The following OCRL variants were observed in gnomAD, a reference collection of about 807,000 sequenced individuals.
OCRL encodes inositol polyphosphate 5-phosphatase OCRL.
OCRL carries 8 observed loss-of-function variants against 78.9 expected under a neutral mutation model. That is an observed-to-expected ratio of 0.10 (90% CI 0.06 to 0.18). The LOEUF (loss-of-function observed/expected upper bound fraction) is 0.18, where lower values mean the gene tolerates loss of function less well. OCRL is among the 10% of genes least tolerant of loss of function. The probability of loss-of-function intolerance (pLI) is 1.00; values close to 1 mark genes in which losing one functional copy is unlikely to be tolerated. For synonymous variants in OCRL, 240 were observed against 235.4 expected (o/e 1.02, Z -0.18); for missense variants, 454 against 696.7 (o/e 0.65, Z 3.92).
intron 18 of OCRL, among the ~76,000 whole-genome samples, chrX:129,582,796 C>T (rs1487348888): frequency 9.2e-6 from 1 of 108,494 alleles, no homozygotes; most frequent in Non-Finnish European, 1.9e-5. Context: ...ACGCCTAATC[C>T]CCATGGATAA....
At chrX:129,582,879 C>T (rs915059034) in intron 18 of OCRL, among the ~76,000 whole-genome samples, 8 of 111,770 alleles carry the variant, frequency 7.2e-5, no homozygotes, top group Admixed American at 2.9e-4. Flanking sequence ...CCTCCTCCCT[C>T]TCCACTCCCA....
At chrX:129,542,190 T>C (rs193004797) in intron 2 of OCRL, among the ~76,000 whole-genome samples, 84 of 108,876 alleles carry the variant, frequency 7.7e-4, no homozygotes, top group African/African-American at 2.7e-3. Flanking sequence ...GCCCAGAATC[T>C]AGTCCCTCGG....
At chrX:129,556,546 C>T (rs1287734727) in intron 4 of OCRL, among the ~76,000 whole-genome samples, 1 of 111,996 alleles carries the variant, frequency 8.9e-6, no homozygotes, top group African/African-American at 3.2e-5. Context: ...GAAACAAGTA[C>T]ATAGGTTTCC....
At chrX:129,565,962 C>A in intron 13 of OCRL, 79 bp downstream of exon 13, 1 of 676,734 alleles carries the variant, frequency 1.5e-6, no homozygotes, top group South Asian at 2.3e-5. Context: ...ATATCTTACT[C>A]TAGGGAGTGA....
chrX:129,577,212 G>A (rs1399418859), intron 18 of OCRL, among the ~76,000 whole-genome samples: 2 of 111,187 alleles, frequency 1.8e-5, no homozygotes, highest in African/African-American at 3.3e-5. Context: ...CATTTTATCC[G>A]CATTCCAGAT....
At chrX:129,543,128 A>G (rs1195672025) in intron 2 of OCRL, among the ~76,000 whole-genome samples, 2 of 112,101 alleles carry the variant, frequency 1.8e-5, no homozygotes, top group African/African-American at 3.2e-5. Context: ...CTGTTTGACA[A>G]CTACCAAATT....
intron 4 of OCRL, among the ~76,000 whole-genome samples, chrX:129,550,937 GTTT>G (rs113308111): frequency 2.1e-5 from 2 of 96,495 alleles, no homozygotes; most frequent in African/African-American, 7.5e-5. Flanking sequence ...ATTTGACAGG[GTTT>G]TTTTTTTTTT....
chrX:129,564,137 C>A (rs1354327267), intron 12 of OCRL, among the ~76,000 whole-genome samples: 2 of 111,231 alleles, frequency 1.8e-5, no homozygotes, highest in African/African-American at 3.3e-5. Flanking sequence ...CCATCACTGG[C>A]CATCAGAGAA....
At chrX:129,556,532 A>T (rs977129186) in intron 4 of OCRL, among the ~76,000 whole-genome samples, 3 of 112,330 alleles carry the variant, frequency 2.7e-5, no homozygotes, top group Non-Finnish European at 5.6e-5. Flanking sequence ...TTACAATAAG[A>T]ATAGAAACAA....
rs773327987 is a variant in OCRL at position 129,590,311 on chromosome X, C to T, written c.*41C>T. 29 of 1,200,256 alleles carry T rather than the reference C, an allele frequency of 2.4e-5. No individual in the cohort carries two copies. The highest frequency in any genetic ancestry group is 3.2e-5 in the Non-Finnish European group (28 of 887,890). ...CTGATATTCTAGAAGCAGACGATCT[C>T]GGGCTCCAAGTATTTCAGAATGATT... On this transcript the variant is annotated 3_prime_UTR_variant, in exon 24 of 24. Transcript: ENST00000371113.
At chrX:129,559,385 G>A (rs1395801235) in intron 8 of OCRL, among the ~76,000 whole-genome samples, 1 of 111,770 alleles carries the variant, frequency 8.9e-6, no homozygotes, top group African/African-American at 3.3e-5. Context: ...TTTTTATAGA[G>A]ACTGGGTTTC....
intron 11 of OCRL, 26 bp from the exon 12 acceptor site, chrX:129,562,573 A>G: frequency 1.7e-6 from 2 of 1,201,462 alleles, no homozygotes; most frequent in Non-Finnish European, 2.3e-6. Context: ...TCTGTGTACT[A>G]ATTGAATAAT....
intron 2 of OCRL, 83 bp downstream of exon 2, chrX:129,540,906 C>T (rs1935789637): frequency 3.7e-6 from 3 of 813,928 alleles, no homozygotes; most frequent in African/African-American, 2.0e-5. Flanking sequence ...ACCCACTGTC[C>T]TCCTACTGAA....
intron 15 of OCRL, among the ~76,000 whole-genome samples, chrX:129,574,354 T>A (rs1037382040): frequency 8.9e-6 from 1 of 112,685 alleles, no homozygotes; most frequent in African/African-American, 3.2e-5. Flanking sequence ...TTTTAATATT[T>A]AAAAAAACAC....
rs763523050 is a variant in OCRL, at chrX:129,564,476, G to A, written c.1245-1296G>A. Among the ~76,000 whole-genome samples, 44 of 110,608 alleles carry A rather than the reference G, an allele frequency of 4.0e-4. No individual in the cohort carries two copies. The East Asian group carries it at 0.012, about 31-fold the overall frequency. On this transcript the variant is annotated intron_variant, in intron 12 of 23. Coordinates refer to ENST00000371113, the MANE Select transcript of OCRL (RefSeq NM_000276.4). ...GCAAAGACTTGGAACCAAGCCAAAT[G>A]TCCAACAATGATAGACTGGATTAAG...
chrX:129,579,873 G>C (rs1264551613), intron 18 of OCRL, among the ~76,000 whole-genome samples: 1 of 112,110 alleles, frequency 8.9e-6, no homozygotes, highest in Non-Finnish European at 1.9e-5. Context: ...ATGGTTAATA[G>C]GGAGTTTGGT....
intron 18 of OCRL, among the ~76,000 whole-genome samples, chrX:129,581,940 C>T (rs1236448817): frequency 9.8e-6 from 1 of 102,347 alleles, no homozygotes; most frequent in Admixed American, 1.1e-4. Context: ...TGCTTTGGGG[C>T]CTATCACTTC....
At chrX:129,584,814 G>A (rs968694933) in intron 19 of OCRL, among the ~76,000 whole-genome samples, 3 of 112,003 alleles carry the variant, frequency 2.7e-5, no homozygotes, top group Non-Finnish European at 5.6e-5. Context: ...AAGAAATAGA[G>A]CATAGAATAG....
intron 1 of OCRL, 22 bp from the exon 2 acceptor site, chrX:129,540,722 G>A (rs1260752457): frequency 8.4e-7 from 1 of 1,191,908 alleles, no homozygotes; most frequent in Admixed American, 2.2e-5. Context: ...TTCCGAAGGA[G>A]ACCCTTGACT....
Sources: allele counts gnomAD v4.1 joint callset (sites outside exome capture counted in the v4.1 genomes callset), GRCh38; gene constraint gnomAD v4.1.1; transcripts MANE v1.5; gene names NCBI Gene and HGNC (gene_info 2026-07-23, HGNC 2026-07-21).